CFTR: variants seen among roughly 807,000 people sequenced by gnomAD.
The protein encoded by CFTR is CF transmembrane conductance regulator, also known as cystic fibrosis transmembrane conductance regulator.
In CFTR, 181 loss-of-function variants were observed where a neutral mutation model predicts 171.6. That is an observed-to-expected ratio of 1.05 (90% CI 0.93 to 1.19). The LOEUF is 1.19. CFTR is among the 50% of genes most tolerant of loss of function. The pLI is 0.00. For synonymous variants in CFTR, 583 were observed against 608.0 expected (o/e 0.96, Z 0.60); for missense variants, 1,968 against 1,734.7 (o/e 1.13, Z -2.39).
chr7:117,627,444 A>AT, intron 21 of CFTR, 78 bp from the exon 22 acceptor site: 1 of 1,489,578 alleles, frequency 6.7e-7, no homozygotes. Flanking sequence ...TTTACAAGTT[A>AT]TTTTTTAGGA....
chr7:117,588,054 C>A (rs1443536370), intron 12 of CFTR, among the ~76,000 whole-genome samples: 1 of 151,982 alleles, frequency 6.6e-6, no homozygotes, highest in Non-Finnish European at 1.5e-5. Flanking sequence ...GTGCCCGTAT[C>A]TTGGTGTCAG....
chr7:117,612,234 T>TACACAC (rs112904263), intron 20 of CFTR, among the ~76,000 whole-genome samples: 7,889 of 140,736 alleles, frequency 0.056, 748 homozygotes, highest in African/African-American at 0.2. Context: ...CATCCGCATT[T>TACACAC]ACACACACAC....
chr7:117,530,881 G>GT lies in CFTR; in HGVS notation c.274-13dup. The stretch of plus-strand genomic sequence containing the variant: ...GAAATAAATGAAATTTAATTTCTCT[G>GT]TTTTTCCCCTTTTGTAGGAAGTCAC... On this transcript the variant is annotated splice_polypyrimidine_tract_variant and intron_variant, in intron 3 of 26. Transcript: ENST00000003084. 1 of 1,515,816 alleles carries GT rather than the reference G, an allele frequency of 6.6e-7. No homozygotes were observed. Among genetic ancestry groups the GT allele is most frequent in the African/African-American group, 1.4e-5 (1 of 72,892 alleles). 93.9% of individuals were successfully genotyped at this position (1,515,816 alleles called of 1,614,324 possible).
chr7:117,660,087 A>G (rs1001555754), intron 24 of CFTR, among the ~76,000 whole-genome samples: 1 of 151,662 alleles, frequency 6.6e-6, no homozygotes, highest in African/African-American at 2.4e-5. Context: ...TTTTCACAGC[A>G]GTTTGGGAAG....
At chr7:117,559,697 C>T (rs764391998) in intron 11 of CFTR, 42 bp downstream of exon 11, 2 of 1,324,576 alleles carry the variant, frequency 1.5e-6, no homozygotes, top group Admixed American at 1.7e-5. Context: ...GCATATGAAC[C>T]CTTCACACTA....
chr7:117,611,622 G>A lies in CFTR; in HGVS notation c.3181G>A (p.Gly1061Arg), dbSNP rs142394380. 1 of 1,613,216 alleles carries A rather than the reference G, an allele frequency of 6.2e-7. No individual in the cohort carries two copies. The highest frequency in any genetic ancestry group is 8.5e-7 in the Non-Finnish European group (1 of 1,179,570). Residue 1061 changes from glycine to arginine, a missense_variant, in exon 20 of 27, where the codon GGA becomes AGA. By Grantham distance (125) the Gly-to-Arg change is moderately radical (BLOSUM62 -2). Coordinates refer to ENST00000003084, the MANE Select transcript of CFTR (RefSeq NM_000492.4). ...CACTCATCTTGTTACAAGCTTAAAAGGACTATGGACACTTCGTGCCTTCGG... is the reference window on the plus strand; with the variant it reads ...CACTCATCTTGTTACAAGCTTAAAAAGACTATGGACACTTCGTGCCTTCGG... ...IFTHLVTSLK[G>R]LWTLRAFGRQ... is the part of the protein sequence containing the mutation.
At chr7:117,505,525 G>T (rs899793886) in intron 2 of CFTR, among the ~76,000 whole-genome samples, 1 of 152,026 alleles carries the variant, frequency 6.6e-6, no homozygotes, top group African/African-American at 2.4e-5. Context: ...ACATAAAGTG[G>T]GTCCCTGGTT....
At chr7:117,648,038 A>C (rs900873709) in intron 23 of CFTR, among the ~76,000 whole-genome samples, 1 of 147,510 alleles carries the variant, frequency 6.8e-6, no homozygotes, top group Non-Finnish European at 1.5e-5. Flanking sequence ...ATATATATAC[A>C]CACACACATT....
At position 117,530,890 on chromosome 7, in the gene CFTR, CT is replaced by C; in HGVS notation, c.274-5del. ...GAAATTTAATTTCTCTGTTTTTCCCCTTTTGTAGGAAGTCACCAAAGCAGTA... is the reference window on the plus strand; with the variant it reads ...GAAATTTAATTTCTCTGTTTTTCCCCTTTGTAGGAAGTCACCAAAGCAGTA... On this transcript the variant is annotated splice_region_variant and splice_polypyrimidine_tract_variant and intron_variant, in intron 3 of 26. Transcript: ENST00000003084. 1 of 1,579,640 alleles carries C rather than the reference CT, an allele frequency of 6.3e-7. No homozygotes were observed. The highest frequency in any genetic ancestry group is 8.7e-7 in the Non-Finnish European group (1 of 1,149,820).
At chr7:117,489,132 G>A (rs1288244258) in intron 1 of CFTR, among the ~76,000 whole-genome samples, 5 of 152,000 alleles carry the variant, frequency 3.3e-5, no homozygotes, top group African/African-American at 9.7e-5. Flanking sequence ...AGTAGAAGTC[G>A]CCTAAGCTCA....
chr7:117,595,061 A>G lies in CFTR; in HGVS notation c.2619+3A>G, dbSNP rs397508408. The G allele has an allele frequency of 6.2e-7, 1 of 1,611,086 alleles. No homozygotes were observed. Among genetic ancestry groups the G allele is most frequent in the Non-Finnish European group, 8.5e-7 (1 of 1,178,116 alleles). Reference sequence around the variant, plus strand: ...GCTTAGTAATTTTTCTGGCAGAGGTAAGAATGTTCTATTGTAAAGTATTAC... The same window carrying G: ...GCTTAGTAATTTTTCTGGCAGAGGTGAGAATGTTCTATTGTAAAGTATTAC... On this transcript the variant is annotated splice_donor_region_variant and intron_variant, in intron 15 of 26. Coordinates refer to ENST00000003084, the MANE Select transcript of CFTR (RefSeq NM_000492.4).
intron 10 of CFTR, among the ~76,000 whole-genome samples, chr7:117,558,959 C>G (rs1799407645): frequency 6.6e-6 from 1 of 152,276 alleles, no homozygotes; most frequent in South Asian, 2.1e-4. Flanking sequence ...TTTGTACTAT[C>G]ATCTCTTAAA....
At chr7:117,567,870 G>C (rs1213696572) in intron 11 of CFTR, among the ~76,000 whole-genome samples, 1 of 152,124 alleles carries the variant, frequency 6.6e-6, no homozygotes, top group East Asian at 1.9e-4. Context: ...GTTAATGTAG[G>C]GTTCTTATGT....
chr7:117,548,951 G>A (rs1487393497), intron 10 of CFTR, 128 bp downstream of exon 10: 12 of 1,300,672 alleles, frequency 9.2e-6, no homozygotes, highest in Non-Finnish European at 1.2e-5. Flanking sequence ...ATGTATGGGT[G>A]TAGTGTCTTG....
chr7:117,627,353 T>TGGATA (rs1379996837), intron 21 of CFTR, among the ~76,000 whole-genome samples, 169 bp from the exon 22 acceptor site: 1 of 152,164 alleles, frequency 6.6e-6, no homozygotes, highest in Admixed American at 6.6e-5. Context: ...TCAGTTAAAC[T>TGGATA]TTTAATTATA....
At chr7:117,584,096 G>A (rs919590862) in intron 11 of CFTR, among the ~76,000 whole-genome samples, 2 of 151,818 alleles carry the variant, frequency 1.3e-5, no homozygotes, top group Non-Finnish European at 2.9e-5. Context: ...CATAGTTTAT[G>A]AATATTCTTT....
intron 3 of CFTR, among the ~76,000 whole-genome samples, chr7:117,518,569 C>CATATAT (rs72291298): frequency 3.7e-4 from 52 of 142,094 alleles, no homozygotes; most frequent in African/African-American, 1.3e-3. Flanking sequence ...TATATAAAAA[C>CATATAT]ATATATATAT....
chr7:117,504,196 CAAATCTGTATGGAGACCAAATCAAGTG>C, intron 1 of CFTR, 30 bp from the exon 2 acceptor site: 1 of 1,028,060 alleles, frequency 9.7e-7, no homozygotes, highest in Non-Finnish European at 1.5e-6. Context: ...TATCAGATTC[CAAATCTGTATGGAGACCAAATCAAGTG>C]AATATCTGTT....
chr7:117,512,520 GCTA>G (rs986811969), intron 3 of CFTR, among the ~76,000 whole-genome samples: 1 of 151,236 alleles, frequency 6.6e-6, no homozygotes, highest in African/African-American at 2.4e-5. Flanking sequence ...TGTGGTCCCA[GCTA>G]CTTGGGAGGC....
Sources: allele counts gnomAD v4.1 joint callset (sites outside exome capture counted in the v4.1 genomes callset), GRCh38; gene constraint gnomAD v4.1.1; transcripts MANE v1.5; gene names NCBI Gene and HGNC (gene_info 2026-07-23, HGNC 2026-07-21).